The following OR56A3 variants were observed in gnomAD, a reference collection of about 807,000 sequenced individuals.
OR56A3 encodes olfactory receptor 56A3.
Under a neutral mutation model 17.5 loss-of-function variants are expected in OR56A3, and 23 were observed. The ratio of observed to expected loss-of-function variants is 1.32; its 90% CI spans 0.95 to 1.87. The LOEUF is 1.87. Among genes scored for constraint, OR56A3 ranks in the 40% most tolerant of loss-of-function variants. The probability of loss-of-function intolerance (pLI) is 0.00; values close to 1 mark genes in which losing one functional copy is unlikely to be tolerated. For synonymous variants in OR56A3, 175 were observed against 150.6 expected, an observed-to-expected ratio of 1.16 and a Z score of -1.19; for missense variants, 366 against 380.1, an observed-to-expected ratio of 0.96 and a Z score of 0.31.
At chr11:5,970,957 A>G in the OR56A3 span, among the ~76,000 whole-genome samples, 1 of 152,228 alleles carries the variant, frequency 6.6e-6, no homozygotes, top group Non-Finnish European at 1.5e-5. Flanking sequence ...AAGAAAAAAT[A>G]AAAAAGGAAA....
chr11:5,943,298 T>G (rs1025581070), intron 1 of OR56A3: 3 of 152,132 alleles, frequency 2.0e-5, no homozygotes, highest in Non-Finnish European at 4.4e-5. Flanking sequence ...CCAAAGCTCT[T>G]CAAGAGACAG....
At chr11:5,952,958 T>C (rs1198625724), downstream of OR56A3, among the ~76,000 whole-genome samples, 1 of 152,188 alleles carries the variant, frequency 6.6e-6, no homozygotes, top group East Asian at 1.9e-4. Context: ...TCCAGTTGCA[T>C]CCATCTTGCT....
At chr11:5,998,404 C>T in the OR56A3 span, among the ~76,000 whole-genome samples, 1,355 of 152,128 alleles carry the variant, frequency 8.9e-3, 21 homozygotes, top group African/African-American at 0.028. Context: ...GAATCAGAGG[C>T]CCTCACTTAG....
downstream of OR56A3, among the ~76,000 whole-genome samples, chr11:5,952,357 TAC>T (rs1427180579): frequency 6.6e-6 from 1 of 152,064 alleles, no homozygotes; most frequent in African/African-American, 2.4e-5. Context: ...GCTGAAAACA[TAC>T]AGAAGAGATT....
At chr11:5,968,389 G>A in the OR56A3 span, 6 of 1,613,390 alleles carry the variant, frequency 3.7e-6, no homozygotes, top group Admixed American at 3.3e-5. Context: ...AGGAAGAGGA[G>A]GCTGAGGGGC....
the OR56A3 span, chr11:5,994,261 A>G: frequency 1.7e-6 from 1 of 584,342 alleles, no homozygotes; most frequent in Non-Finnish European, 3.2e-6. Flanking sequence ...CAAAGACTGG[A>G]CTGTACATCT....
At chr11:5,993,035 C>A in the OR56A3 span, among the ~76,000 whole-genome samples, 1 of 152,108 alleles carries the variant, frequency 6.6e-6, no homozygotes, top group Non-Finnish European at 1.5e-5. Context: ...GAAAGCCCTC[C>A]CTATTCAAGT....
the OR56A3 span, chr11:6,001,324 T>C: frequency 6.6e-6 from 1 of 152,234 alleles, no homozygotes; most frequent in African/African-American, 2.4e-5. Flanking sequence ...ATACAGCACT[T>C]CAAACAGTAC....
At chr11:5,957,496 T>G in the OR56A3 span, among the ~76,000 whole-genome samples, 1 of 152,334 alleles carries the variant, frequency 6.6e-6, no homozygotes, top group South Asian at 2.1e-4. Flanking sequence ...GTGATGTGGT[T>G]TCTCCACTAT....
At chr11:5,994,361 C>T in the OR56A3 span, 4 of 697,070 alleles carry the variant, frequency 5.7e-6, no homozygotes, top group Admixed American at 1.8e-5. Context: ...GAGACCAGTA[C>T]TTGTCCAGCT....
chr11:5,943,319 T>C (rs1353513042), intron 1 of OR56A3: 1 of 152,116 alleles, frequency 6.6e-6, no homozygotes, highest in African/African-American at 2.4e-5. Context: ...AAAATATACT[T>C]TTTCCTCTAG....
chr11:5,965,267 G>T, the OR56A3 span, among the ~76,000 whole-genome samples: 1 of 152,132 alleles, frequency 6.6e-6, no homozygotes, highest in Non-Finnish European at 1.5e-5. Flanking sequence ...TATAAATTAG[G>T]TCATCCAGTT....
chr11:6,009,634 G>C, the OR56A3 span, among the ~76,000 whole-genome samples: 1 of 152,132 alleles, frequency 6.6e-6, no homozygotes, highest in East Asian at 1.9e-4. Context: ...TGCATTGTCT[G>C]TCAAATTGCC....
chr11:5,987,064 A>C, the OR56A3 span: 1 of 788,356 alleles, frequency 1.3e-6, no homozygotes, highest in Non-Finnish European at 2.0e-6. Flanking sequence ...TTTGGTGGAG[A>C]TAATTCTTTT....
chr11:6,018,705 T>C, the OR56A3 span, among the ~76,000 whole-genome samples: 1 of 151,230 alleles, frequency 6.6e-6, no homozygotes, highest in Admixed American at 6.6e-5. Context: ...GAATAGAACT[T>C]TAAAAAGCCT....
the OR56A3 span, among the ~76,000 whole-genome samples, chr11:5,989,070 C>T: frequency 6.6e-6 from 1 of 152,162 alleles, no homozygotes; most frequent in African/African-American, 2.4e-5. Context: ...TCTGAAATGC[C>T]ACGTGGGCAT....
At chr11:5,979,536 T>G in the OR56A3 span, among the ~76,000 whole-genome samples, 1 of 152,124 alleles carries the variant, frequency 6.6e-6, no homozygotes, top group Admixed American at 6.5e-5. Flanking sequence ...TCTGAAAACT[T>G]TCCGTATTTT....
chr11:5,963,188 A>C, the OR56A3 span, among the ~76,000 whole-genome samples: 6 of 151,954 alleles, frequency 3.9e-5, no homozygotes, highest in East Asian at 1.2e-3. Context: ...TATTTCTGCT[A>C]TTGTCTGTAA....
chr11:5,996,543 T>C, the OR56A3 span, among the ~76,000 whole-genome samples: 2 of 151,814 alleles, frequency 1.3e-5, no homozygotes, highest in African/African-American at 4.8e-5. Context: ...GGCTATTCAG[T>C]AAAGAACTCC....
Sources: allele counts gnomAD v4.1 joint callset (sites outside exome capture counted in the v4.1 genomes callset), GRCh38; gene constraint gnomAD v4.1.1; transcripts MANE v1.5; gene names NCBI Gene and HGNC (gene_info 2026-07-23, HGNC 2026-07-21).